TBC1D5: variants seen among roughly 807,000 people sequenced by gnomAD.
TBC1D5 encodes TBC1 domain family member 5.
TBC1D5 carries 75 observed loss-of-function variants against 100.3 expected under a neutral mutation model. The observed-to-expected ratio is 0.75, with a 90% CI of 0.62 to 0.91. TBC1D5 has a LOEUF of 0.91. Ranked by LOEUF, TBC1D5 falls within the 40% of genes least tolerant of loss-of-function variation. TBC1D5 has a pLI of 0.00. For synonymous variants in TBC1D5, 323 were observed against 325.6 expected (o/e 0.99, Z 0.09); for missense variants, 910 against 942.4 (o/e 0.97, Z 0.45).
At chr3:17,700,421 A>G (rs1396248969) in intron 1 of TBC1D5, among the ~76,000 whole-genome samples, 4 of 152,232 alleles carry the variant, frequency 2.6e-5, no homozygotes, top group Non-Finnish European at 5.9e-5. Context: ...AGGCATGGGC[A>G]AGGACTTCAT....
chr3:17,591,373 G>A (rs1002975769), intron 2 of TBC1D5, among the ~76,000 whole-genome samples: 5 of 150,984 alleles, frequency 3.3e-5, no homozygotes, highest in African/African-American at 1.2e-4. Context: ...TTTGAGGAAG[G>A]ACCCCACTAT....
chr3:17,591,233 CAAAAAAAAAAAAAAAAAA>C (rs60889092), intron 2 of TBC1D5, among the ~76,000 whole-genome samples: 7 of 18,642 alleles, frequency 3.8e-4, no homozygotes, highest in Non-Finnish European at 7.0e-4. Context: ...AAGGATCTGT[CAAAAAAAAAAAAAAAAAA>C]AAAAAAAAAA....
intron 13 of TBC1D5, among the ~76,000 whole-genome samples, chr3:17,317,676 G>T (rs1308607434): frequency 6.6e-6 from 1 of 152,086 alleles, no homozygotes; most frequent in East Asian, 1.9e-4. Context: ...ATGCACAGAA[G>T]ATCACAACTC....
intron 18 of TBC1D5, among the ~76,000 whole-genome samples, chr3:17,192,878 G>A (rs1422167545): frequency 1.3e-5 from 2 of 152,214 alleles, no homozygotes; most frequent in Non-Finnish European, 2.9e-5. Context: ...AGGGAACACT[G>A]GATTTGTCCC....
At chr3:17,437,615 A>G (rs1175440736) in intron 3 of TBC1D5, among the ~76,000 whole-genome samples, 1 of 108,276 alleles carries the variant, frequency 9.2e-6, no homozygotes, top group Admixed American at 9.3e-5. Context: ...AGAGACAGAG[A>G]CAGAGGTAGA....
chr3:17,463,143 G>C (rs1485926774), intron 3 of TBC1D5, among the ~76,000 whole-genome samples: 1 of 152,116 alleles, frequency 6.6e-6, no homozygotes, highest in Non-Finnish European at 1.5e-5. Context: ...CTGCTTCTAA[G>C]TTCCATTTGC....
At chr3:17,528,128 T>C (rs1206547871) in intron 2 of TBC1D5, among the ~76,000 whole-genome samples, 1 of 152,042 alleles carries the variant, frequency 6.6e-6, no homozygotes, top group Non-Finnish European at 1.5e-5. Context: ...GGCATGATCA[T>C]GGCTCACTGC....
At chr3:17,543,259 A>G (rs1000644767) in intron 2 of TBC1D5, among the ~76,000 whole-genome samples, 1 of 152,242 alleles carries the variant, frequency 6.6e-6, no homozygotes, top group Non-Finnish European at 1.5e-5. Context: ...GATTTCCCAT[A>G]AATTCAATGT....
intron 1 of TBC1D5, among the ~76,000 whole-genome samples, chr3:17,716,678 T>C (rs2075267165): frequency 2.0e-5 from 3 of 152,220 alleles, no homozygotes; most frequent in Admixed American, 1.3e-4. Flanking sequence ...ACAACTATTA[T>C]AGTACTTCTC....
chr3:17,636,212 T>A (rs1018788923), intron 1 of TBC1D5, among the ~76,000 whole-genome samples: 12 of 151,816 alleles, frequency 7.9e-5, no homozygotes, highest in Non-Finnish European at 1.6e-4. Flanking sequence ...GTTTTTCAGA[T>A]GGGAAAAAAA....
At chr3:17,340,314 A>C (rs1476884050) in intron 13 of TBC1D5, among the ~76,000 whole-genome samples, 1 of 152,212 alleles carries the variant, frequency 6.6e-6, no homozygotes, top group East Asian at 1.9e-4. Context: ...AAAGTGGTCT[A>C]TGTTCCTGAG....
intron 2 of TBC1D5, among the ~76,000 whole-genome samples, chr3:17,568,539 A>G (rs747228041): frequency 1.1e-4 from 16 of 151,562 alleles, no homozygotes; most frequent in Non-Finnish European, 1.5e-4. Flanking sequence ...AATGACAAAT[A>G]TATAAGTTGA....
intron 18 of TBC1D5, 48 bp downstream of exon 19, chr3:17,214,159 T>C (rs757759909): frequency 1.3e-6 from 2 of 1,580,494 alleles, no homozygotes; most frequent in African/African-American, 1.4e-5. Context: ...TGCAGCACTC[T>C]AGAGAAGAAA....
intron 9 of TBC1D5, among the ~76,000 whole-genome samples, chr3:17,383,645 G>A (rs1405577453): frequency 6.6e-6 from 1 of 151,978 alleles, no homozygotes; most frequent in African/African-American, 2.4e-5. Context: ...CAAAGATGCT[G>A]TTTATAAACA....
chr3:17,459,940 T>A (rs1253728966), intron 3 of TBC1D5, among the ~76,000 whole-genome samples: 1 of 152,194 alleles, frequency 6.6e-6, no homozygotes, highest in African/African-American at 2.4e-5. Context: ...ATATATCTGG[T>A]TACATTTAAT....
intron 18 of TBC1D5, among the ~76,000 whole-genome samples, chr3:17,191,884 A>G (rs1223815426): frequency 1.3e-5 from 2 of 152,088 alleles, no homozygotes; most frequent in African/African-American, 2.4e-5. Flanking sequence ...TCAGCCTCTC[A>G]AAGTGCTGGG....
chr3:17,341,961 C>T (rs1243020091), intron 13 of TBC1D5, among the ~76,000 whole-genome samples: 1 of 152,154 alleles, frequency 6.6e-6, no homozygotes, highest in East Asian at 1.9e-4. Context: ...GTTATCTTCC[C>T]CACTCCAACT....
intron 2 of TBC1D5, among the ~76,000 whole-genome samples, chr3:17,602,268 T>G (rs1308064835): frequency 6.6e-6 from 1 of 152,176 alleles, no homozygotes; most frequent in Non-Finnish European, 1.5e-5. Flanking sequence ...CTTATCTGTC[T>G]CAATGGAATA....
chr3:17,460,615 T>C (rs1382730260), intron 3 of TBC1D5, among the ~76,000 whole-genome samples: 1 of 152,138 alleles, frequency 6.6e-6, no homozygotes, highest in Non-Finnish European at 1.5e-5. Flanking sequence ...ATTTTATAAT[T>C]TGACTCTTGA....
Sources: allele counts gnomAD v4.1 joint callset (sites outside exome capture counted in the v4.1 genomes callset), GRCh38; gene constraint gnomAD v4.1.1; transcripts MANE v1.5; gene names NCBI Gene and HGNC (gene_info 2026-07-23, HGNC 2026-07-21).